Variants in MICU1 observed in about 807,000 individuals in gnomAD.
MICU1 encodes the protein mitochondrial calcium uptake 1.
MICU1 carries 45 observed loss-of-function variants against 56.8 expected under a neutral mutation model. That is an observed-to-expected ratio of 0.79 (90% CI 0.62 to 1.02). The LOEUF is 1.02. MICU1 is among the 50% of genes least tolerant of loss of function. MICU1 has a pLI of 0.00. For synonymous variants in MICU1, 186 were observed against 195.1 expected, an observed-to-expected ratio of 0.95 and a Z score of 0.39; for missense variants, 504 against 587.1, an observed-to-expected ratio of 0.86 and a Z score of 1.46.
intron 6 of MICU1, among the ~76,000 whole-genome samples, chr10:72,491,043 C>A (rs1866638394): frequency 6.6e-6 from 1 of 152,078 alleles, no homozygotes; most frequent in African/African-American, 2.4e-5. Context: ...CGGGACAGTC[C>A]CATAAAAGGC....
At chr10:72,612,747 A>T (rs574188895) in intron 1 of MICU1, among the ~76,000 whole-genome samples, 1 of 152,146 alleles carries the variant, frequency 6.6e-6, no homozygotes, top group East Asian at 1.9e-4. Flanking sequence ...GCTGCAGTGA[A>T]CTATGATTGC....
intron 4 of MICU1, among the ~76,000 whole-genome samples, chr10:72,541,509 G>A (rs1424445406): frequency 6.6e-6 from 1 of 152,068 alleles, no homozygotes; most frequent in Non-Finnish European, 1.5e-5. Flanking sequence ...CATGACTCAT[G>A]ACTGAACCTG....
At chr10:72,537,034 AT>A (rs940090805) in intron 4 of MICU1, among the ~76,000 whole-genome samples, 8 of 152,284 alleles carry the variant, frequency 5.3e-5, no homozygotes, top group Admixed American at 3.3e-4. Context: ...TATGTTTTAT[AT>A]TTTATGCTCT....
rs1271668478 is a variant in MICU1 at position 72,603,403 on chromosome 10, T to A, written c.-2+22607A>T. Among the ~76,000 whole-genome samples, 94 of 120,282 alleles carry A rather than the reference T, an allele frequency of 7.8e-4. No individual in the cohort carries two copies. In the East Asian group the frequency reaches 0.01, roughly 13 times the overall value. The allele number at this position is 120,282 out of a possible 152,430, so 78.9% of individuals were successfully genotyped here. On this transcript the variant is annotated intron_variant, in intron 1 of 11. Transcript: ENST00000361114. ...CTCTGTCTCAAAAAAAAAAAAAAAA[T>A]ACATAAATAAATAAGTTTATTTTGC...
At chr10:72,509,202 T>C (rs1867359861) in intron 5 of MICU1, among the ~76,000 whole-genome samples, 1 of 152,138 alleles carries the variant, frequency 6.6e-6, no homozygotes, top group African/African-American at 2.4e-5. Flanking sequence ...ACCAAAAATA[T>C]TTAAGGAATT....
chr10:72,589,742 T>C (rs143637787), intron 1 of MICU1, among the ~76,000 whole-genome samples: 2 of 152,066 alleles, frequency 1.3e-5, no homozygotes, highest in African/African-American at 2.4e-5. Flanking sequence ...CTGAAATACA[T>C]AAAGAAATTT....
intron 1 of MICU1, among the ~76,000 whole-genome samples, chr10:72,592,655 C>T (rs1841259692): frequency 6.6e-6 from 1 of 151,998 alleles, no homozygotes; most frequent in African/African-American, 2.4e-5. Flanking sequence ...TCCTAGAATC[C>T]AAGGATGGTT....
intron 10 of MICU1, among the ~76,000 whole-genome samples, chr10:72,401,866 T>C (rs1401847082): frequency 6.6e-6 from 1 of 152,132 alleles, no homozygotes. Context: ...TAACTCCCCA[T>C]TTCCCTGCCT....
chr10:72,621,291 C>T (rs912441805), intron 1 of MICU1, among the ~76,000 whole-genome samples: 1 of 151,924 alleles, frequency 6.6e-6, no homozygotes, highest in Admixed American at 6.6e-5. Context: ...AGTTCGAGAC[C>T]AGACTGACCA....
intron 1 of MICU1, among the ~76,000 whole-genome samples, chr10:72,608,344 T>A (rs1054397907): frequency 6.6e-6 from 1 of 152,222 alleles, no homozygotes; most frequent in Non-Finnish European, 1.5e-5. Flanking sequence ...AGTGCTGGGA[T>A]TACAGGTGTG....
chr10:72,419,050 C>CA (rs768906938), intron 9 of MICU1, among the ~76,000 whole-genome samples: 1 of 152,136 alleles, frequency 6.6e-6, no homozygotes, highest in Non-Finnish European at 1.5e-5. Flanking sequence ...TAACTCCTGC[C>CA]AATGCTCAAA....
At chr10:72,514,000 G>T (rs1301732569) in intron 5 of MICU1, among the ~76,000 whole-genome samples, 1 of 151,454 alleles carries the variant, frequency 6.6e-6, no homozygotes, top group Non-Finnish European at 1.5e-5. Context: ...TAAAGTATAA[G>T]TCTCTTCAGC....
chr10:72,505,180 T>C (rs373932131), intron 6 of MICU1, among the ~76,000 whole-genome samples: 4 of 152,074 alleles, frequency 2.6e-5, no homozygotes, highest in African/African-American at 7.2e-5. Context: ...GGTTTCACCA[T>C]GTTGGCCAGG....
chr10:72,582,036 T>C (rs763889403), intron 1 of MICU1, among the ~76,000 whole-genome samples: 1 of 152,170 alleles, frequency 6.6e-6, no homozygotes, highest in African/African-American at 2.4e-5. Context: ...TTCAAGTGAT[T>C]CTCCTGCCTC....
chr10:72,616,612 A>G (rs910550386), intron 1 of MICU1, among the ~76,000 whole-genome samples: 1 of 151,346 alleles, frequency 6.6e-6, no homozygotes, highest in Non-Finnish European at 1.5e-5. Flanking sequence ...AAGACTCTAC[A>G]TAATGACCTA....
Position 72,559,585 on chromosome 10 carries a change from G to A in MICU1, c.330+3310C>T, listed in dbSNP as rs564830342. Reference sequence around the variant, plus strand: ...TCATGCCTGTAATCCTAGCACTTTGGGAGGCCAAGGTGGGAGGATTGCTTG... The same window carrying A: ...TCATGCCTGTAATCCTAGCACTTTGAGAGGCCAAGGTGGGAGGATTGCTTG... On this transcript the variant is annotated intron_variant, in intron 3 of 11. Transcript: ENST00000361114. Among the ~76,000 whole-genome samples the A allele has an allele frequency of 3.3e-5, 5 of 152,252 alleles. No homozygotes were observed. In the South Asian group the frequency reaches 1.0e-3, roughly 32 times the overall value.
chr10:72,587,941 C>T (rs979909817), intron 1 of MICU1, among the ~76,000 whole-genome samples: 4 of 152,148 alleles, frequency 2.6e-5, no homozygotes, highest in African/African-American at 9.7e-5. Context: ...CAATAAACTT[C>T]TGTCTTTTTC....
chr10:72,607,422 T>C (rs1841721062), intron 1 of MICU1, among the ~76,000 whole-genome samples: 1 of 149,174 alleles, frequency 6.7e-6, no homozygotes, highest in African/African-American at 2.5e-5. Context: ...AGGTGGATCA[T>C]GAGGCCAGGA....
In MICU1 at chr10:72,475,152, T is replaced by TCCC. The variant is rs1291931466; in HGVS notation, c.880_881insGGG (p.Lys294delinsArgGlu). ...TTTACGCTGAAATTCGAGGAAGTTTTTGATTGTCAGCTTTCCCTTCAGATC... is the reference window on the plus strand; with the variant it reads ...TTTACGCTGAAATTCGAGGAAGTTTTCCCTGATTGTCAGCTTTCCCTTCAGATC... On this transcript the variant is annotated protein_altering_variant, in exon 8 of 12. Transcript: ENST00000361114. The TCCC allele has an allele frequency of 1.2e-6, 2 of 1,611,644 alleles. No homozygotes were observed. The highest frequency in any genetic ancestry group is 1.7e-6 in the Non-Finnish European group (2 of 1,178,888).
Sources: allele counts gnomAD v4.1 joint callset (sites outside exome capture counted in the v4.1 genomes callset), GRCh38; gene constraint gnomAD v4.1.1; transcripts MANE v1.5; gene names NCBI Gene and HGNC (gene_info 2026-07-23, HGNC 2026-07-21).